LYRM4: variants seen among roughly 807,000 people sequenced by gnomAD.
The protein encoded by LYRM4 is LYR motif containing 4.
A neutral mutation model predicts 11.7 loss-of-function variants in LYRM4; 9 were observed. That is an observed-to-expected ratio of 0.77 (90% CI 0.46 to 1.34). The LOEUF (loss-of-function observed/expected upper bound fraction) is 1.34, where lower values mean the gene tolerates loss of function less well. Ranked by LOEUF, LYRM4 falls within the 40% of genes most tolerant of loss-of-function variation. The pLI is 0.00. For synonymous variants in LYRM4, 42 were observed against 40.4 expected, an observed-to-expected ratio of 1.04 and a Z score of -0.15; for missense variants, 133 against 112.5, an observed-to-expected ratio of 1.18 and a Z score of -0.82.
At chr6:5,174,481 G>C (rs1431448005) in intron 2 of LYRM4, among the ~76,000 whole-genome samples, 4 of 152,134 alleles carry the variant, frequency 2.6e-5, no homozygotes, top group South Asian at 2.1e-4. Flanking sequence ...ACAAAAGCTC[G>C]AGTTTCAAAA....
chr6:5,198,161 G>A (rs1399850435), intron 2 of LYRM4, among the ~76,000 whole-genome samples: 5 of 152,126 alleles, frequency 3.3e-5, no homozygotes, highest in African/African-American at 1.2e-4. Context: ...TTGCACCACT[G>A]CACTCCAGCC....
chr6:5,212,910 C>G lies in LYRM4; in HGVS notation c.207+3708G>C, dbSNP rs529785004. 4.6e-5 allele frequency among the ~76,000 whole-genome samples: 7 copies of G among 152,272 alleles called. No individual in the cohort carries two copies. The South Asian group carries it at 1.0e-3, about 23-fold the overall frequency. On this transcript the variant is annotated intron_variant, in intron 2 of 2. Coordinates refer to ENST00000330636, the MANE Select transcript of LYRM4 (RefSeq NM_020408.6). Reference sequence around the variant, plus strand: ...TTGCTTATCATGAAAGAAAAACGAGCTGCCACTTCTTGGAATGAGAGTAAT... The same window carrying G: ...TTGCTTATCATGAAAGAAAAACGAGGTGCCACTTCTTGGAATGAGAGTAAT...
At chr6:5,052,861 T>G in the LYRM4 span, among the ~76,000 whole-genome samples, 2 of 152,228 alleles carry the variant, frequency 1.3e-5, no homozygotes, top group East Asian at 3.8e-4. Context: ...CTCACTTCAC[T>G]TTTGAGGAGG....
intron 1 of LYRM4, among the ~76,000 whole-genome samples, chr6:5,247,153 T>A (rs1203411708): frequency 6.6e-6 from 1 of 151,960 alleles, no homozygotes; most frequent in Non-Finnish European, 1.5e-5. Context: ...CTGGTTTGGT[T>A]ATACCCCCAT....
At position 5,108,591 on chromosome 6, in the gene LYRM4, C is replaced by T. The variant is rs1482154707; in HGVS notation, c.*832G>A. ...CAGAGAGGGAAGTGCTGAGAGATGT[C>T]TTTTTAAAAAGCTCTCCAACTCTCC... On this transcript the variant is annotated 3_prime_UTR_variant, in exon 3 of 3. Transcript: ENST00000330636. 1.1e-5 allele frequency: 4 copies of T among 362,950 alleles called. No individual in the cohort carries two copies. The highest frequency in any genetic ancestry group is 1.3e-4 in the Admixed American group (2 of 15,500). 22.5% of individuals were successfully genotyped at this position (362,950 alleles called of 1,614,324 possible).
At chr6:5,160,410 G>A (rs751095257) in intron 2 of LYRM4, among the ~76,000 whole-genome samples, 5 of 152,130 alleles carry the variant, frequency 3.3e-5, no homozygotes, top group African/African-American at 7.2e-5. Context: ...CCCACGTGTG[G>A]TGGGAGGGAC....
rs1025133405 is a variant in LYRM4 at position 5,151,240 on chromosome 6, T to C, written c.208-41749A>G. ...CTGGGACTACAGATGCGTGCCACCA[T>C]GCCCAGCTAATTTTTTGTATTTTTA... is the stretch of plus-strand genomic sequence containing the variant. On this transcript the variant is annotated intron_variant, in intron 2 of 2. Transcript: ENST00000330636. 2.0e-5 allele frequency among the ~76,000 whole-genome samples: 3 copies of C among 152,076 alleles called. No individual in the cohort carries two copies. The East Asian group carries it at 5.8e-4, about 29-fold the overall frequency.
At chr6:5,050,042 G>A in the LYRM4 span, among the ~76,000 whole-genome samples, 5 of 152,246 alleles carry the variant, frequency 3.3e-5, no homozygotes, top group Admixed American at 2.6e-4. Flanking sequence ...GCACTAAGAA[G>A]CACTCTGATG....
chr6:5,108,323 C>G, downstream of LYRM4: 1 of 472,020 alleles, frequency 2.1e-6, no homozygotes, highest in East Asian at 1.5e-4. Context: ...AACAAGAAAC[C>G]GCTCTGCCAG....
chr6:5,083,749 G>A, the LYRM4 span, among the ~76,000 whole-genome samples: 3 of 152,168 alleles, frequency 2.0e-5, no homozygotes, highest in African/African-American at 7.2e-5. Flanking sequence ...TGCCAACATG[G>A]CTAAAACCCT....
intron 2 of LYRM4, among the ~76,000 whole-genome samples, chr6:5,162,626 T>C (rs1020070273): frequency 2.6e-5 from 4 of 152,242 alleles, no homozygotes; most frequent in African/African-American, 9.6e-5. Flanking sequence ...TGAAGCCATC[T>C]GGTGTTTCCT....
chr6:5,115,121 T>A (rs894856469), intron 2 of LYRM4, among the ~76,000 whole-genome samples: 2 of 152,260 alleles, frequency 1.3e-5, no homozygotes, highest in African/African-American at 4.8e-5. Context: ...CACTCCCATA[T>A]GATGAACATT....
chr6:5,193,966 A>G (rs758934772), intron 2 of LYRM4, among the ~76,000 whole-genome samples: 1 of 150,358 alleles, frequency 6.7e-6, no homozygotes, highest in Non-Finnish European at 1.5e-5. Flanking sequence ...AAAGAAATAT[A>G]TGATTGTTAA....
At chr6:5,242,099 G>A (rs1238985935) in intron 1 of LYRM4, among the ~76,000 whole-genome samples, 2 of 147,934 alleles carry the variant, frequency 1.4e-5, no homozygotes, top group African/African-American at 5.0e-5. Flanking sequence ...TTGAGATAGA[G>A]TCTCACTCTG....
chr6:5,190,100 T>C (rs1760664792), intron 2 of LYRM4, among the ~76,000 whole-genome samples: 1 of 152,232 alleles, frequency 6.6e-6, no homozygotes, highest in Non-Finnish European at 1.5e-5. Flanking sequence ...AATTTTTTCC[T>C]AGGATTTTCT....
chr6:5,079,334 G>C, the LYRM4 span, among the ~76,000 whole-genome samples: 1 of 152,202 alleles, frequency 6.6e-6, no homozygotes, highest in Non-Finnish European at 1.5e-5. Context: ...TCTCTGCATA[G>C]ACTTCCCATC....
At chr6:5,129,864 C>A (rs560460232) in intron 2 of LYRM4, among the ~76,000 whole-genome samples, 3 of 152,210 alleles carry the variant, frequency 2.0e-5, no homozygotes, top group Admixed American at 2.0e-4. Context: ...GAAGCGAGAG[C>A]GCAAAGCAGC....
At chr6:5,119,794 C>CAA (rs968606439) in intron 2 of LYRM4, among the ~76,000 whole-genome samples, 271 of 16,870 alleles carry the variant, frequency 0.016, 31 homozygotes, top group East Asian at 0.035. Context: ...GTCTCCATAA[C>CAA]AAAAAAAAAA....
intron 2 of LYRM4, among the ~76,000 whole-genome samples, chr6:5,179,430 A>AC (rs1759943517): frequency 6.6e-6 from 1 of 151,830 alleles, no homozygotes. Context: ...GTCTCCCCCA[A>AC]CCCCTCATCA....
Sources: gnomAD v4.1 joint callset for allele counts (sites outside exome capture counted in the v4.1 genomes callset) on GRCh38, gnomAD v4.1.1 for gene constraint, MANE v1.5 for transcripts, NCBI Gene and HGNC (gene_info 2026-07-23, HGNC 2026-07-21) for gene names.